Variants in LEKR1 observed in about 807,000 individuals in gnomAD.
LEKR1 encodes leucine, glutamate and lysine rich 1, also known as protein LEKR1.
LEKR1 carries 59 observed loss-of-function variants against 72.4 expected under a neutral mutation model. The observed-to-expected ratio is 0.82, with a 90% CI of 0.66 to 1.01. The LOEUF (loss-of-function observed/expected upper bound fraction) is 1.01, where lower values mean the gene tolerates loss of function less well. LEKR1 is among the 50% of genes least tolerant of loss of function. The pLI, the probability that LEKR1 is intolerant of heterozygous loss-of-function variation, is 0.00. For synonymous variants in LEKR1, 257 were observed against 263.2 expected (o/e 0.98, Z 0.23); for missense variants, 728 against 759.2 (o/e 0.96, Z 0.48).
intron 5 of LEKR1, among the ~76,000 whole-genome samples, chr3:156,934,059 A>G (rs1264071430): frequency 1.3e-5 from 2 of 152,224 alleles, no homozygotes; most frequent in Non-Finnish European, 2.9e-5. Context: ...ACCTCCTCAG[A>G]AACATCTTTG....
chr3:157,018,602 G>C (rs1733568415), intron 10 of LEKR1, among the ~76,000 whole-genome samples: 1 of 151,994 alleles, frequency 6.6e-6, no homozygotes, highest in Admixed American at 6.6e-5. Flanking sequence ...ACAGATGTAG[G>C]GGTTGGGGGG....
intron 2 of LEKR1, among the ~76,000 whole-genome samples, chr3:156,835,477 C>T (rs1249492652): frequency 1.3e-5 from 2 of 152,162 alleles, no homozygotes; most frequent in African/African-American, 2.4e-5. Flanking sequence ...CTGGGTCCCC[C>T]AAAAGAGAAA....
chr3:156,976,300 A>G (rs1433167057), intron 6 of LEKR1, among the ~76,000 whole-genome samples: 2 of 152,142 alleles, frequency 1.3e-5, no homozygotes, highest in African/African-American at 2.4e-5. Context: ...TCATTTTAAG[A>G]TAAGTCTTCC....
intron 12 of LEKR1, 75 bp from the exon 13 acceptor site, chr3:157,045,265 G>T: frequency 8.1e-7 from 1 of 1,237,158 alleles, no homozygotes; most frequent in South Asian, 1.5e-5. Flanking sequence ...TTCTCAAATT[G>T]TATTGTCCGT....
At chr3:157,003,464 G>T (rs1029304497) in intron 9 of LEKR1, among the ~76,000 whole-genome samples, 1 of 152,070 alleles carries the variant, frequency 6.6e-6, no homozygotes, top group Non-Finnish European at 1.5e-5. Flanking sequence ...ATCTTAAGGG[G>T]GTAAAATCAA....
rs79392053 is a variant in LEKR1, at chr3:156,923,766, C to T, written c.383+3072C>T. On this transcript the variant is annotated intron_variant, in intron 4 of 12. Coordinates refer to ENST00000356539, the MANE Select transcript of LEKR1 (RefSeq NM_001004316.3). ...TTTTTGAGACGGAGGCTCGCTCTAT[C>T]ACCCAGGCTTGAGTGCAGTGGCATG... Among the ~76,000 whole-genome samples the T allele has an allele frequency of 2.7e-4, 41 of 151,230 alleles. No homozygotes were observed. The East Asian group carries it at 7.8e-3, about 29-fold the overall frequency.
Position 156,852,796 on chromosome 3 carries a change from A to G in LEKR1, c.77A>G (p.Tyr26Cys). 2 of 1,533,270 alleles carry G rather than the reference A, an allele frequency of 1.3e-6. No individual in the cohort carries two copies. Among genetic ancestry groups the G allele is most frequent in the Non-Finnish European group, 8.7e-7 (1 of 1,144,864 alleles). 95.0% of individuals were successfully genotyped at this position (1,533,270 alleles called of 1,614,324 possible). ...TTGCCTGAAGAAAAAGTTTGTAAGT[A>G]CTGTGGAGTCAGCTATCTAATTCTT... ...KMLPEEKVCK[Y>C]CGVSYLILHE... Residue 26 changes from tyrosine to cysteine, a missense_variant, in exon 3 of 13, where the codon TAC (tyrosine) becomes TGC (cysteine). Physicochemically the swap from Tyr to Cys is radical, Grantham distance 194. Coordinates refer to ENST00000356539, the MANE Select transcript of LEKR1 (RefSeq NM_001004316.3).
At chr3:156,845,327 G>C (rs988824974) in intron 2 of LEKR1, among the ~76,000 whole-genome samples, 1 of 151,792 alleles carries the variant, frequency 6.6e-6, no homozygotes, top group African/African-American at 2.4e-5. Context: ...CAGATCAGAA[G>C]TTTTTAAATT....
intron 2 of LEKR1, among the ~76,000 whole-genome samples, chr3:156,837,599 C>G (rs1713320287): frequency 1.3e-5 from 2 of 152,192 alleles, no homozygotes; most frequent in Admixed American, 6.5e-5. Context: ...TACGGTGCCC[C>G]TCTCCATGAC....
intron 9 of LEKR1, among the ~76,000 whole-genome samples, chr3:157,009,806 T>C (rs1030296807): frequency 6.6e-6 from 1 of 152,080 alleles, no homozygotes. Flanking sequence ...CAAGTTTTGC[T>C]TTATATATTT....
intron 5 of LEKR1, among the ~76,000 whole-genome samples, chr3:156,931,733 C>G (rs1197706392): frequency 6.6e-6 from 1 of 151,948 alleles, no homozygotes; most frequent in Non-Finnish European, 1.5e-5. Context: ...TTGAAAATAG[C>G]CTTACACAAA....
chr3:157,037,291 TTG>T (rs1436137562), intron 12 of LEKR1, among the ~76,000 whole-genome samples: 1 of 152,186 alleles, frequency 6.6e-6, no homozygotes, highest in Non-Finnish European at 1.5e-5. Context: ...GCTTTTTTCA[TTG>T]TGAGTTTTAG....
At chr3:156,882,923 A>G (rs1290909947) in intron 3 of LEKR1, among the ~76,000 whole-genome samples, 3 of 151,542 alleles carry the variant, frequency 2.0e-5, no homozygotes, top group Non-Finnish European at 4.4e-5. Context: ...AACACCACAT[A>G]TTCTCACTCA....
In LEKR1 at chr3:157,028,340, C is replaced by G; in HGVS notation, c.1606C>G (p.Leu536Val). The change falls in exon 12 of 13, where the codon CTG becomes GTG. Residue 536 changes from leucine (L) to valine (V), a missense_variant. Leu to Val is a conservative substitution (Grantham distance 32). Coordinates refer to ENST00000356539, the MANE Select transcript of LEKR1 (RefSeq NM_001004316.3). ...GGAAATGGAACAGAAGTCGGATGAA[C>G]TGAAAAGAGTAATGCTGGCTCAAAC... ...RKEMEQKSDE[L>V]KRVMLAQTQL... The G allele has an allele frequency of 6.2e-7, 1 of 1,613,120 alleles. No homozygotes were observed. The highest frequency in any genetic ancestry group is 1.3e-5 in the African/African-American group (1 of 74,974).
intron 3 of LEKR1, among the ~76,000 whole-genome samples, chr3:156,910,261 AAT>A (rs1377664300): frequency 6.6e-6 from 1 of 152,100 alleles, no homozygotes; most frequent in African/African-American, 2.4e-5. Context: ...CATAGTAACT[AAT>A]AGTTTGTCAG....
At chr3:156,967,162 A>G (rs1247912241) in intron 6 of LEKR1, among the ~76,000 whole-genome samples, 1 of 152,176 alleles carries the variant, frequency 6.6e-6, no homozygotes, top group Non-Finnish European at 1.5e-5. Flanking sequence ...GGTAGGTAAA[A>G]CCACAAAGAT....
intron 10 of LEKR1, among the ~76,000 whole-genome samples, chr3:157,016,420 G>A (rs1255320838): frequency 3.9e-5 from 6 of 152,062 alleles, no homozygotes; most frequent in Admixed American, 1.3e-4. Flanking sequence ...TAGTAGGATT[G>A]AAAGTACTAG....
chr3:156,906,833 A>G lies in LEKR1; in HGVS notation c.264-13742A>G, dbSNP rs1003805082. On this transcript the variant is annotated intron_variant, in intron 3 of 12. Transcript: ENST00000356539. ...ATATATACTAAAGAAGTGACCTTGG[A>G]AAGTGTTTCAATGTGCATGTTTTTT... Among the ~76,000 whole-genome samples, 24 of 152,156 alleles carry G rather than the reference A, an allele frequency of 1.6e-4. 1 individual carries two copies. The highest frequency in any genetic ancestry group is 3.4e-4 in the Non-Finnish European group (23 of 68,000).
At chr3:156,981,564 T>TG (rs1357598087) in intron 7 of LEKR1, among the ~76,000 whole-genome samples, 1 of 152,242 alleles carries the variant, frequency 6.6e-6, no homozygotes, top group African/African-American at 2.4e-5. Flanking sequence ...TAGAGCCACT[T>TG]AAATGGCTCC....
Sources: gnomAD v4.1 joint callset for allele counts (sites outside exome capture counted in the v4.1 genomes callset) on GRCh38, gnomAD v4.1.1 for gene constraint, MANE v1.5 for transcripts, NCBI Gene and HGNC (gene_info 2026-07-23, HGNC 2026-07-21) for gene names.